Variants in COX7B2 observed in about 807,000 individuals in gnomAD.
COX7B2 encodes cytochrome c oxidase subunit 7B2.
For missense variants in COX7B2, 109 were observed against 95.9 expected (o/e 1.14, Z -0.57); for synonymous variants, 37 against 32.1 (o/e 1.15, Z -0.51).
intron 2 of COX7B2, among the ~76,000 whole-genome samples, chr4:46,830,551 A>G (rs921490216): frequency 1.3e-5 from 2 of 152,286 alleles, no homozygotes; most frequent in East Asian, 3.9e-4. Flanking sequence ...CTAAAAAAAC[A>G]TATGAAAATG....
At chr4:46,871,799 A>G (rs896762548) in intron 1 of COX7B2, among the ~76,000 whole-genome samples, 4 of 152,158 alleles carry the variant, frequency 2.6e-5, no homozygotes, top group African/African-American at 9.6e-5. Context: ...TCCACCAGTC[A>G]AAATGGCTAT....
intron 2 of COX7B2, among the ~76,000 whole-genome samples, chr4:46,840,302 TG>T (rs376346286): frequency 3.3e-3 from 495 of 152,134 alleles, no homozygotes; most frequent in South Asian, 0.011. Flanking sequence ...GATAGAATTA[TG>T]GCAGATTATC....
At chr4:46,763,066 T>TATAATACATATTATA in intron 2 of COX7B2, among the ~76,000 whole-genome samples, 1 of 133,382 alleles carries the variant, frequency 7.5e-6, no homozygotes, top group Non-Finnish European at 1.6e-5. Context: ...GTAATATATA[T>TATAATACATATTATA]TATATAATAT....
chr4:46,848,457 G>A (rs1560418051), intron 1 of COX7B2, among the ~76,000 whole-genome samples: 1 of 151,986 alleles, frequency 6.6e-6, no homozygotes, highest in Non-Finnish European at 1.5e-5. Context: ...TAATTTGGAT[G>A]CAAACTTATG....
intron 1 of COX7B2, chr4:46,904,146 T>C (rs1400936410): frequency 6.6e-6 from 1 of 152,068 alleles, no homozygotes; most frequent in African/African-American, 2.4e-5. Flanking sequence ...AACACACAAA[T>C]TCCTTTAAAA....
At chr4:46,868,898 A>C (rs574573689) in intron 1 of COX7B2, among the ~76,000 whole-genome samples, 1 of 152,144 alleles carries the variant, frequency 6.6e-6, no homozygotes, top group Admixed American at 6.5e-5. Context: ...ATTTGGTCCA[A>C]TGTTGAGTTC....
At chr4:46,785,404 T>G (rs1717699721) in intron 2 of COX7B2, among the ~76,000 whole-genome samples, 1 of 151,618 alleles carries the variant, frequency 6.6e-6, no homozygotes, top group African/African-American at 2.4e-5. Context: ...GACGGAGTCT[T>G]GCTCTGTCAC....
chr4:46,805,687 A>C (rs981788120), intron 2 of COX7B2, among the ~76,000 whole-genome samples: 1 of 152,122 alleles, frequency 6.6e-6, no homozygotes. Flanking sequence ...TTGGTTCTTC[A>C]TTCATCTTCA....
At chr4:46,826,130 C>A (rs1486840638) in intron 2 of COX7B2, among the ~76,000 whole-genome samples, 1 of 152,114 alleles carries the variant, frequency 6.6e-6, no homozygotes, top group Non-Finnish European at 1.5e-5. Flanking sequence ...AACTATGCAT[C>A]TGACAGTCTA....
At position 46,734,945 on chromosome 4, in the gene COX7B2, G is replaced by A. The variant is rs144110097; in HGVS notation, c.*2C>T. ...ATTCTGTCATTACAGCAACTGTGAT[G>A]GTTACTGATGTTTCCACTCTTTTGG... On this transcript the variant is annotated 3_prime_UTR_variant, in exon 3 of 3. Transcript: ENST00000355591. 6 of 1,613,956 alleles carry A rather than the reference G, an allele frequency of 3.7e-6. No individual in the cohort carries two copies. The highest frequency in any genetic ancestry group is 2.2e-5 in the East Asian group (1 of 44,870).
At chr4:46,791,561 C>G (rs1718048764) in intron 2 of COX7B2, among the ~76,000 whole-genome samples, 1 of 152,156 alleles carries the variant, frequency 6.6e-6, no homozygotes, top group African/African-American at 2.4e-5. Flanking sequence ...CTTCTAAACT[C>G]AAAAGTGACC....
intron 1 of COX7B2, among the ~76,000 whole-genome samples, chr4:46,882,366 G>A (rs913151588): frequency 3.9e-5 from 6 of 152,302 alleles, no homozygotes; most frequent in African/African-American, 1.2e-4. Flanking sequence ...CTGCCTTGAT[G>A]ATCTGTACTA....
chr4:46,859,683 C>T (rs1460860764), intron 1 of COX7B2, among the ~76,000 whole-genome samples: 4 of 152,056 alleles, frequency 2.6e-5, no homozygotes, highest in Admixed American at 2.6e-4. Flanking sequence ...AGAAACCATC[C>T]AGAACCAGCA....
intron 2 of COX7B2, among the ~76,000 whole-genome samples, chr4:46,741,874 T>A (rs2109401573): frequency 6.6e-6 from 1 of 152,282 alleles, no homozygotes; most frequent in South Asian, 2.1e-4. Flanking sequence ...CTGTATTTTT[T>A]AAAACAAATT....
chr4:46,830,615 A>G (rs1715016492), intron 2 of COX7B2, among the ~76,000 whole-genome samples: 1 of 152,240 alleles, frequency 6.6e-6, no homozygotes, highest in South Asian at 2.1e-4. Context: ...AAGTGTTCAC[A>G]GAGCAATTGT....
chr4:46,846,365 T>C (rs1315538343), intron 1 of COX7B2, among the ~76,000 whole-genome samples: 7 of 151,912 alleles, frequency 4.6e-5, no homozygotes, highest in Admixed American at 4.6e-4. Context: ...ATATAGAATG[T>C]TGTAAGATTA....
chr4:46,868,945 GATCT>G (rs1717827787), intron 1 of COX7B2, among the ~76,000 whole-genome samples: 1 of 152,238 alleles, frequency 6.6e-6, no homozygotes, highest in South Asian at 2.1e-4. Flanking sequence ...CTGCCTTGAT[GATCT>G]ATCTAATACT....
intron 2 of COX7B2, among the ~76,000 whole-genome samples, chr4:46,818,569 G>A (rs1053536669): frequency 6.6e-6 from 1 of 151,806 alleles, no homozygotes; most frequent in Non-Finnish European, 1.5e-5. Flanking sequence ...CCCAGGAGGC[G>A]GAGTTTGCAG....
rs184798633 is a variant in COX7B2 at position 46,867,164 on chromosome 4, G to T, written c.-104-22150C>A. ...TTCTGACCCAGGAAACAGATATACTGCCTTTGGCCTCCTTACATCAGATAA... is the reference window on the plus strand; with the variant it reads ...TTCTGACCCAGGAAACAGATATACTTCCTTTGGCCTCCTTACATCAGATAA... On this transcript the variant is annotated intron_variant, in intron 1 of 2. Transcript: ENST00000355591. Among the ~76,000 whole-genome samples the T allele has an allele frequency of 3.9e-5, 6 of 152,298 alleles. No homozygotes were observed. In the East Asian group the frequency reaches 1.2e-3, roughly 29 times the overall value.
Sources: gnomAD v4.1 joint callset for allele counts (sites outside exome capture counted in the v4.1 genomes callset) on GRCh38, gnomAD v4.1.1 for gene constraint, MANE v1.5 for transcripts, NCBI Gene and HGNC (gene_info 2026-07-23, HGNC 2026-07-21) for gene names.